Variants in RASA3 observed in about 807,000 individuals in gnomAD.
RASA3 encodes the protein RAS p21 protein activator 3.
In RASA3, 73 loss-of-function variants were observed where a neutral mutation model predicts 110.0. The observed-to-expected ratio is 0.66, with a 90% CI of 0.55 to 0.81. RASA3 has a LOEUF of 0.81. RASA3 is among the 30% of genes least tolerant of loss of function. RASA3 has a pLI of 0.00. For missense variants in RASA3, 976 were observed against 1,113.2 expected (o/e 0.88, Z 1.75); for synonymous variants, 500 against 451.4 (o/e 1.11, Z -1.37).
chr13:114,045,719 G>A (rs1264780115), intron 3 of RASA3, among the ~76,000 whole-genome samples: 2 of 152,230 alleles, frequency 1.3e-5, no homozygotes, highest in Non-Finnish European at 2.9e-5. Context: ...GACGTCGACT[G>A]CGTTTGTACA....
At chr13:114,032,622 G>A (rs1296905107) in intron 4 of RASA3, among the ~76,000 whole-genome samples, 2 of 151,420 alleles carry the variant, frequency 1.3e-5, no homozygotes, top group South Asian at 2.1e-4. Flanking sequence ...GCAGCCCCAC[G>A]GCACCCCCAC....
At chr13:114,053,422 G>A (rs934407155) in intron 2 of RASA3, among the ~76,000 whole-genome samples, 7 of 152,240 alleles carry the variant, frequency 4.6e-5, no homozygotes, top group Non-Finnish European at 8.8e-5. Flanking sequence ...TGCGGTGCAC[G>A]CACAGCTACC....
intron 1 of RASA3, among the ~76,000 whole-genome samples, chr13:114,117,408 T>A (rs1369710510): frequency 7.2e-6 from 1 of 138,096 alleles, no homozygotes; most frequent in Non-Finnish European, 1.5e-5. Context: ...AGCACGTCTG[T>A]GAGGGGTGCA....
chr13:114,105,865 T>G (rs1434723238), intron 1 of RASA3, among the ~76,000 whole-genome samples: 1 of 152,206 alleles, frequency 6.6e-6, no homozygotes, highest in African/African-American at 2.4e-5. Context: ...TGTGAAACTA[T>G]TACGGTAAGC....
intron 2 of RASA3, among the ~76,000 whole-genome samples, chr13:114,053,924 G>A (rs1404966713): frequency 3.3e-5 from 5 of 152,248 alleles, no homozygotes; most frequent in South Asian, 2.1e-4. Context: ...TCAGGAGTTC[G>A]AGACCAGCCT....
At chr13:114,122,164 C>T (rs114355628) in intron 1 of RASA3, among the ~76,000 whole-genome samples, 1 of 152,360 alleles carries the variant, frequency 6.6e-6, no homozygotes, top group African/African-American at 2.4e-5. Context: ...CCCCAGGCTG[C>T]TCCAGCCTTC....
intron 4 of RASA3, among the ~76,000 whole-genome samples, chr13:114,031,908 G>A (rs1367207727): frequency 1.1e-4 from 16 of 152,156 alleles, no homozygotes; most frequent in Non-Finnish European, 1.8e-4. Context: ...CCTGCAGCAC[G>A]TGGCCTGGTG....
rs563209388 is a variant in RASA3 at position 113,990,015 on chromosome 13, G to A, written c.2245+2470C>T. Among the ~76,000 whole-genome samples, 65 of 152,298 alleles carry A rather than the reference G, an allele frequency of 4.3e-4. 3 individuals are homozygous for A. The highest frequency in any genetic ancestry group is 3.9e-3 in the Admixed American group (59 of 15,304). On this transcript the variant is annotated intron_variant, in intron 22 of 23. Coordinates refer to ENST00000334062, the MANE Select transcript of RASA3 (RefSeq NM_007368.4). ...CATGGGGACAGACTTCCCCATTGCT[G>A]TTCTCGTGATAGTGAGTTCTCACGA...
At chr13:114,106,995 C>T (rs900798968) in intron 1 of RASA3, among the ~76,000 whole-genome samples, 1 of 152,188 alleles carries the variant, frequency 6.6e-6, no homozygotes, top group Non-Finnish European at 1.5e-5. Flanking sequence ...CTCAGCCAGG[C>T]CCCCCCAGAG....
At chr13:114,045,204 C>T (rs963926348) in intron 3 of RASA3, among the ~76,000 whole-genome samples, 15 of 152,188 alleles carry the variant, frequency 9.9e-5, no homozygotes, top group Non-Finnish European at 1.9e-4. Flanking sequence ...AAAGCCACGG[C>T]GTCTACTTAA....
chr13:114,029,904 TG>T lies in RASA3; in HGVS notation c.373-18del. On this transcript the variant is annotated intron_variant, in intron 4 of 23. Coordinates refer to ENST00000334062, the MANE Select transcript of RASA3 (RefSeq NM_007368.4). The stretch of plus-strand genomic sequence containing the variant: ...CACTTTGCCCTGCAAGGCACAAGGA[TG>T]GGGTGTCAGAGGCTGTGGCGCTGCT... The T allele has an allele frequency of 6.5e-7, 1 of 1,547,872 alleles. No homozygotes were observed.
chr13:113,980,448 T>C (rs1022551764), intron 23 of RASA3, among the ~76,000 whole-genome samples: 5 of 99,270 alleles, frequency 5.0e-5, no homozygotes, highest in Admixed American at 1.8e-4. Context: ...CCTCCTGCCA[T>C]GTGTGTGCAC....
intron 1 of RASA3, among the ~76,000 whole-genome samples, chr13:114,090,821 C>T (rs1189950647): frequency 6.6e-6 from 1 of 152,178 alleles, no homozygotes; most frequent in Non-Finnish European, 1.5e-5. Flanking sequence ...GGAGAAAATA[C>T]AAGAGGTTCC....
At position 114,021,473 on chromosome 13, in the gene RASA3, C is replaced by T. The variant is rs1454784716; in HGVS notation, c.716G>A (p.Gly239Glu). Reference sequence around the variant, plus strand: ...CCTTAGTTCTCCCAGGAATTCATCTCCAAACTTCAGGTTACTGGCATTCCA... The same window carrying T: ...CCTTAGTTCTCCCAGGAATTCATCTTCAAACTTCAGGTTACTGGCATTCCA... ...DLWNASNLKF[G>E]DEFLGELRIP... The change falls in exon 9 of 24, where the codon GGA (glycine) becomes GAA (glutamate). Residue 239 changes from glycine to glutamate, a missense_variant. Gly to Glu is a moderately conservative substitution (Grantham distance 98). Coordinates refer to ENST00000334062, the MANE Select transcript of RASA3 (RefSeq NM_007368.4). The T allele has an allele frequency of 6.2e-7, 1 of 1,614,020 alleles. No individual in the cohort carries two copies. The highest frequency in any genetic ancestry group is 1.3e-5 in the African/African-American group (1 of 75,068).
At chr13:114,044,752 G>A (rs1256975212) in intron 3 of RASA3, among the ~76,000 whole-genome samples, 1 of 151,472 alleles carries the variant, frequency 6.6e-6, no homozygotes, top group East Asian at 2.0e-4. Context: ...CAGTGAAAAG[G>A]GATAAATCTT....
chr13:114,038,349 G>A (rs1211983453), intron 4 of RASA3, among the ~76,000 whole-genome samples: 3 of 152,392 alleles, frequency 2.0e-5, no homozygotes, highest in East Asian at 1.9e-4. Context: ...GGAGCAGCAC[G>A]CTGGGGCCCT....
Position 114,052,173 on chromosome 13 carries a change from A to T in RASA3, c.174-18T>A, listed in dbSNP as rs369075409. Reference sequence around the variant, plus strand: ...AAAACGGGCTAGTGAGACAAAGAAAAGCGCCAGTTAGAACACAGGCCACGC... The same window carrying T: ...AAAACGGGCTAGTGAGACAAAGAAATGCGCCAGTTAGAACACAGGCCACGC... On this transcript the variant is annotated intron_variant, in intron 2 of 23. Coordinates refer to ENST00000334062, the MANE Select transcript of RASA3 (RefSeq NM_007368.4). 3 of 1,574,066 alleles carry T rather than the reference A, an allele frequency of 1.9e-6. No individual in the cohort carries two copies. The highest frequency in any genetic ancestry group is 1.4e-5 in the African/African-American group (1 of 73,938).
At chr13:114,104,788 GT>G (rs1466672912) in intron 1 of RASA3, among the ~76,000 whole-genome samples, 1 of 152,120 alleles carries the variant, frequency 6.6e-6, no homozygotes, top group Non-Finnish European at 1.5e-5. Flanking sequence ...GCAGTGCAGT[GT>G]CTGTTCTGGA....
In RASA3 at chr13:114,096,754, C is replaced by T. The variant is rs898728895; in HGVS notation, c.56-22917G>A. Among the ~76,000 whole-genome samples, 1 of 152,162 alleles carries T rather than the reference C, an allele frequency of 6.6e-6. No individual in the cohort carries two copies. The highest frequency in any genetic ancestry group is 6.5e-5 in the Admixed American group (1 of 15,280). The stretch of plus-strand genomic sequence containing the variant: ...TCCCCCAAAGCACTCAACAGCTCTC[C>T]AGCACCCACCGAATGAAGCACTGAC... On this transcript the variant is annotated intron_variant, in intron 1 of 23. Coordinates refer to ENST00000334062, the MANE Select transcript of RASA3 (RefSeq NM_007368.4). The surrounding 1 kb of genome is among the most constrained non-coding windows in gnomAD (Gnocchi z 5.1).
Sources: gnomAD v4.1 joint callset for allele counts (sites outside exome capture counted in the v4.1 genomes callset) on GRCh38, gnomAD v4.1.1 for gene constraint, Gnocchi (gnomAD v3.1) non-coding constraint, MANE v1.5 for transcripts, NCBI Gene and HGNC (gene_info 2026-07-23, HGNC 2026-07-21) for gene names.